The following FRMD6 variants were observed in gnomAD, a reference collection of about 807,000 sequenced individuals.
The protein encoded by FRMD6 is FERM domain containing 6, also known as FERM domain-containing protein 6.
Under a neutral mutation model 73.2 loss-of-function variants are expected in FRMD6, and 37 were observed. The ratio of observed to expected loss-of-function variants is 0.51; its 90% CI spans 0.39 to 0.66. The LOEUF is 0.66. FRMD6 is among the 30% of genes least tolerant of loss of function. FRMD6 has a pLI of 0.00. For synonymous variants in FRMD6, 273 were observed against 282.2 expected (o/e 0.97, Z 0.33); for missense variants, 714 against 780.5 (o/e 0.91, Z 1.02).
upstream of FRMD6, among the ~76,000 whole-genome samples, chr14:51,647,517 G>A (rs1381887263): frequency 6.6e-6 from 1 of 152,174 alleles, no homozygotes; most frequent in Non-Finnish European, 1.5e-5. Context: ...TTCCATGTGA[G>A]ATTATTTTCT....
intron 1 of FRMD6, among the ~76,000 whole-genome samples, chr14:51,564,448 G>A (rs1887666174): frequency 6.6e-6 from 1 of 152,134 alleles, no homozygotes; most frequent in Non-Finnish European, 1.5e-5. Flanking sequence ...GCCTCTTTGA[G>A]AAGAGAGGAA....
At chr14:51,475,400 T>C in the FRMD6 span, among the ~76,000 whole-genome samples, 1 of 152,228 alleles carries the variant, frequency 6.6e-6, no homozygotes, top group African/African-American at 2.4e-5. Flanking sequence ...GGAGTAACTT[T>C]TGCTACGAGC....
chr14:51,535,544 A>G (rs1885835632), intron 1 of FRMD6, among the ~76,000 whole-genome samples: 1 of 152,202 alleles, frequency 6.6e-6, no homozygotes, highest in South Asian at 2.1e-4. Flanking sequence ...ATGTTGTGGC[A>G]TATATTAGCA....
intron 4 of FRMD6, 118 bp from the exon 5 acceptor site, chr14:51,702,390 GTAAA>G (rs1053770722): frequency 2.0e-5 from 15 of 764,032 alleles, no homozygotes; most frequent in Non-Finnish European, 3.4e-5. Flanking sequence ...CTCATTATAA[GTAAA>G]TAAAACCTAT....
intron 1 of FRMD6, among the ~76,000 whole-genome samples, chr14:51,561,240 A>G (rs1302087176): frequency 2.0e-5 from 3 of 152,218 alleles, no homozygotes; most frequent in Non-Finnish European, 4.4e-5. Flanking sequence ...CTTTATATCA[A>G]TGACAACATT....
intron 13 of FRMD6, 69 bp downstream of exon 13, chr14:51,725,939 A>C: frequency 1.9e-6 from 2 of 1,078,706 alleles, no homozygotes; most frequent in Non-Finnish European, 2.8e-6. Context: ...AGTAACTTAC[A>C]TTTATACAAA....
At chr14:51,564,254 C>T (rs1887653381) in intron 1 of FRMD6, among the ~76,000 whole-genome samples, 1 of 152,210 alleles carries the variant, frequency 6.6e-6, no homozygotes, top group Non-Finnish European at 1.5e-5. Flanking sequence ...AGAGTCTTCT[C>T]ATTAGGACCA....
chr14:51,449,953 C>G, the FRMD6 span, among the ~76,000 whole-genome samples: 6 of 152,230 alleles, frequency 3.9e-5, no homozygotes, highest in Admixed American at 2.6e-4. Flanking sequence ...CGATTTCCAT[C>G]TGGGCCTGTG....
At chr14:51,665,443 A>G (rs986343985) in intron 1 of FRMD6, among the ~76,000 whole-genome samples, 1 of 151,992 alleles carries the variant, frequency 6.6e-6, no homozygotes, top group African/African-American at 2.4e-5. Flanking sequence ...ATCTAGCCAA[A>G]TTGTTCTTCC....
chr14:51,688,220 A>G (rs1443038120), intron 1 of FRMD6, among the ~76,000 whole-genome samples: 3 of 152,050 alleles, frequency 2.0e-5, no homozygotes, highest in Non-Finnish European at 4.4e-5. Context: ...ACAGGCCTCC[A>G]ATGACCCCAT....
chr14:51,672,035 G>A (rs1379367961), intron 1 of FRMD6, among the ~76,000 whole-genome samples: 1 of 152,176 alleles, frequency 6.6e-6, no homozygotes, highest in African/African-American at 2.4e-5. Flanking sequence ...AAAGAAATGG[G>A]ATTAAGATCC....
intron 1 of FRMD6, among the ~76,000 whole-genome samples, chr14:51,530,102 T>C (rs1384734087): frequency 6.6e-6 from 1 of 152,238 alleles, no homozygotes; most frequent in Non-Finnish European, 1.5e-5. Flanking sequence ...ATTATGTAAA[T>C]GTTCATTACA....
At chr14:51,706,414 C>T (rs2140482991) in intron 6 of FRMD6, among the ~76,000 whole-genome samples, 1 of 152,154 alleles carries the variant, frequency 6.6e-6, no homozygotes, top group Middle Eastern at 3.4e-3. Context: ...TCCTCTGTCA[C>T]CTGTGGAGTG....
chr14:51,723,383 A>T (rs888954694), intron 12 of FRMD6, among the ~76,000 whole-genome samples: 5 of 152,154 alleles, frequency 3.3e-5, no homozygotes, highest in African/African-American at 1.2e-4. Flanking sequence ...TTTTTATAAG[A>T]CTGTTAATTT....
At chr14:51,451,597 T>A in the FRMD6 span, among the ~76,000 whole-genome samples, 1 of 152,206 alleles carries the variant, frequency 6.6e-6, no homozygotes, top group Non-Finnish European at 1.5e-5. Flanking sequence ...GCCAGGCTGG[T>A]CTTTAACTCC....
chr14:51,722,625 A>G lies in FRMD6; in HGVS notation c.1492+545A>G, dbSNP rs1476906914. On this transcript the variant is annotated intron_variant, in intron 12 of 13. Coordinates refer to ENST00000344768, the MANE Select transcript of FRMD6 (RefSeq NM_001267046.2). ...ATATTCGTATGAATTCCTGTAGAAA[A>G]CATGCATTCCCTATAGTTATATAAT... Among the ~76,000 whole-genome samples the G allele has an allele frequency of 2.0e-5, 3 of 152,304 alleles. No individual in the cohort carries two copies. In the East Asian group the frequency reaches 5.8e-4, roughly 29 times the overall value.
the FRMD6 span, among the ~76,000 whole-genome samples, chr14:51,432,405 T>C: frequency 3.3e-5 from 5 of 152,208 alleles, no homozygotes; most frequent in Non-Finnish European, 5.9e-5. Flanking sequence ...CCCTTTTTCT[T>C]TTGCAAACAG....
the FRMD6 span, among the ~76,000 whole-genome samples, chr14:51,462,055 G>GGAAA: frequency 2.0e-5 from 3 of 151,348 alleles, no homozygotes; most frequent in Non-Finnish European, 4.4e-5. Context: ...GAGGAAGGAA[G>GGAAA]GAAAGAAAGA....
At chr14:51,421,401 G>C in the FRMD6 span, among the ~76,000 whole-genome samples, 2 of 152,208 alleles carry the variant, frequency 1.3e-5, no homozygotes, top group African/African-American at 2.4e-5. Context: ...ACTTCATTAA[G>C]GGTGTGGTGT....
Sources: allele counts gnomAD v4.1 joint callset (sites outside exome capture counted in the v4.1 genomes callset), GRCh38; gene constraint gnomAD v4.1.1; transcripts MANE v1.5; gene names NCBI Gene and HGNC (gene_info 2026-07-23, HGNC 2026-07-21).